GRK5: variants seen among roughly 807,000 people sequenced by gnomAD.
GRK5 encodes the protein g protein-coupled receptor kinase GRK5.
Under a neutral mutation model 78.4 loss-of-function variants are expected in GRK5, and 40 were observed. The observed-to-expected ratio is 0.51, with a 90% confidence interval of 0.40 to 0.66. The LOEUF (loss-of-function observed/expected upper bound fraction) is 0.66, where lower values mean the gene tolerates loss of function less well. GRK5 is among the 30% of genes least tolerant of loss of function. GRK5 has a pLI of 0.00. For missense variants in GRK5, 598 were observed against 759.9 expected, an observed-to-expected ratio of 0.79 and a Z score of 2.50; for synonymous variants, 289 against 296.8, an observed-to-expected ratio of 0.97 and a Z score of 0.27.
At chr10:119,279,785 C>T (rs1264886123) in intron 1 of GRK5, among the ~76,000 whole-genome samples, 2 of 152,226 alleles carry the variant, frequency 1.3e-5, no homozygotes, top group African/African-American at 4.8e-5. Context: ...TGCTCTCCCT[C>T]GAGGAGCCTA....
At chr10:119,422,372 G>T (rs1852587357) in intron 4 of GRK5, among the ~76,000 whole-genome samples, 1 of 152,210 alleles carries the variant, frequency 6.6e-6, no homozygotes, top group Non-Finnish European at 1.5e-5. Flanking sequence ...TTACGTGCTT[G>T]CTACTACTGC....
intron 9 of GRK5, among the ~76,000 whole-genome samples, chr10:119,438,024 G>A (rs1433357489): frequency 6.6e-6 from 1 of 152,226 alleles, no homozygotes; most frequent in Non-Finnish European, 1.5e-5. Context: ...CTTTAACCTG[G>A]AGGTTGCAGT....
intron 1 of GRK5, among the ~76,000 whole-genome samples, chr10:119,249,366 G>A (rs1219024268): frequency 6.6e-6 from 1 of 152,206 alleles, no homozygotes; most frequent in Non-Finnish European, 1.5e-5. Context: ...AATATCATAT[G>A]TAGAATACCT....
chr10:119,374,527 G>A (rs1329488840), intron 2 of GRK5, among the ~76,000 whole-genome samples: 2 of 152,226 alleles, frequency 1.3e-5, no homozygotes, highest in African/African-American at 4.8e-5. Flanking sequence ...AACTTGGCAA[G>A]TGTGAGCCCT....
intron 1 of GRK5, among the ~76,000 whole-genome samples, chr10:119,316,836 G>A (rs1357497387): frequency 6.6e-6 from 1 of 152,218 alleles, no homozygotes; most frequent in African/African-American, 2.4e-5. Flanking sequence ...CTGGGCACAT[G>A]GTCGAACCCA....
In GRK5 at chr10:119,395,308, T is replaced by C. The variant is rs556929174; in HGVS notation, c.262-1387T>C. Among the ~76,000 whole-genome samples the C allele has an allele frequency of 3.3e-5, 5 of 152,336 alleles. No homozygotes were observed. In the South Asian group the frequency reaches 8.3e-4, roughly 25 times the overall value. ...AGACAAGGACACTCGCTCACTGTGG[T>C]TGGAAACGAGCCTGGCTGCCTCTGT... is the stretch of plus-strand genomic sequence containing the variant. On this transcript the variant is annotated intron_variant, in intron 3 of 15. Transcript: ENST00000392870.
intron 1 of GRK5, among the ~76,000 whole-genome samples, chr10:119,310,868 T>G (rs1850347032): frequency 6.6e-6 from 1 of 152,154 alleles, no homozygotes; most frequent in African/African-American, 2.4e-5. Context: ...GTTGGGGAAG[T>G]GGCCTGTGGT....
intron 1 of GRK5, among the ~76,000 whole-genome samples, chr10:119,301,369 T>C (rs910685374): frequency 6.6e-6 from 1 of 152,024 alleles, no homozygotes; most frequent in African/African-American, 2.4e-5. Flanking sequence ...CCATTGTCTT[T>C]GAGATTTGGG....
At chr10:119,284,211 C>G (rs184547586) in intron 1 of GRK5, among the ~76,000 whole-genome samples, 2 of 151,954 alleles carry the variant, frequency 1.3e-5, no homozygotes, top group Non-Finnish European at 2.9e-5. Context: ...ATTCTAGTAG[C>G]CACCTTTAGA....
chr10:119,451,826 G>T (rs547118902), intron 13 of GRK5, among the ~76,000 whole-genome samples: 1 of 152,220 alleles, frequency 6.6e-6, no homozygotes. Flanking sequence ...ATGCTGAGCC[G>T]GTGCACTGAT....
At position 119,421,728 on chromosome 10, in the gene GRK5, C is replaced by T. The variant is rs190890478; in HGVS notation, c.340-1438C>T. Among the ~76,000 whole-genome samples, 33 of 152,344 alleles carry T rather than the reference C, an allele frequency of 2.2e-4. No homozygotes were observed. In the East Asian group the frequency reaches 5.4e-3, roughly 25 times the overall value. ...TTACTGTCACAGCAGCTCGCATCCA[C>T]ACTGCAGGCTGCCCCCCAAGAAGCT... is the stretch of plus-strand genomic sequence containing the variant. On this transcript the variant is annotated intron_variant, in intron 4 of 15. Coordinates refer to ENST00000392870, the MANE Select transcript of GRK5 (RefSeq NM_005308.3).
intron 9 of GRK5, among the ~76,000 whole-genome samples, chr10:119,438,758 G>A (rs1236261828): frequency 2.6e-5 from 4 of 152,186 alleles, no homozygotes; most frequent in Non-Finnish European, 4.4e-5. Flanking sequence ...GGTGGCAGCC[G>A]GCTTGTTGAG....
intron 1 of GRK5, among the ~76,000 whole-genome samples, chr10:119,298,936 A>T (rs1289286955): frequency 6.6e-6 from 1 of 151,624 alleles, no homozygotes; most frequent in African/African-American, 2.4e-5. Flanking sequence ...GACTTTCCCC[A>T]TGCTCCCTGC....
chr10:119,292,358 C>T (rs908718102), intron 1 of GRK5, among the ~76,000 whole-genome samples: 2 of 151,950 alleles, frequency 1.3e-5, no homozygotes, highest in Admixed American at 1.3e-4. Flanking sequence ...CTTCCTCTTC[C>T]TTCACAAACA....
At chr10:119,256,025 T>C (rs1031413621) in intron 1 of GRK5, among the ~76,000 whole-genome samples, 1 of 152,158 alleles carries the variant, frequency 6.6e-6, no homozygotes, top group Admixed American at 6.5e-5. Context: ...GTGAAGTTAT[T>C]GCAACCATTG....
rs545936709 is a variant in GRK5 at position 119,430,125 on chromosome 10, G to A, written c.534-250G>A. 6.7e-4 allele frequency among the ~76,000 whole-genome samples: 102 copies of A among 152,282 alleles called. No individual in the cohort carries two copies. The highest frequency in any genetic ancestry group is 1.2e-3 in the African/African-American group (48 of 41,562). ...GGTTTTTCAAGCTTTCTGAGCAAGC[G>A]AGGCTTGTGCATCCCCCAGCTTGCA... On this transcript the variant is annotated intron_variant, in intron 6 of 15. Transcript: ENST00000392870. This position sits in a 1 kb window ranked among gnomAD's most constrained non-coding sequence, Gnocchi z 4.5.
At chr10:119,396,573 G>C (rs1213922680) in intron 3 of GRK5, 122 bp from the exon 4 acceptor site, 1 of 757,520 alleles carries the variant, frequency 1.3e-6, no homozygotes, top group Non-Finnish European at 2.2e-6. Context: ...TTCCTGACCT[G>C]CAGGAGAAGG....
rs1265166462 is a variant in GRK5 at position 119,412,102 on chromosome 10, C to T, written c.340-11064C>T. 7.2e-5 allele frequency among the ~76,000 whole-genome samples: 11 copies of T among 151,992 alleles called. No individual in the cohort carries two copies. Among genetic ancestry groups the T allele is most frequent in the East Asian group, 1.9e-4 (1 of 5,170 alleles). On this transcript the variant is annotated intron_variant, in intron 4 of 15. Coordinates refer to ENST00000392870, the MANE Select transcript of GRK5 (RefSeq NM_005308.3). This position sits in a 1 kb window ranked among gnomAD's most constrained non-coding sequence, Gnocchi z 4.3. The stretch of plus-strand genomic sequence containing the variant: ...CTGACCTCAGGTGATCCACCTCCCT[C>T]GGCCTCCCAAAGTGCTGGGATTCCA...
chr10:119,375,439 C>T (rs1851608867), intron 2 of GRK5, among the ~76,000 whole-genome samples: 1 of 152,204 alleles, frequency 6.6e-6, no homozygotes. Context: ...TGAAACTGAC[C>T]CAGCATCATG....
Sources: allele counts gnomAD v4.1 joint callset (sites outside exome capture counted in the v4.1 genomes callset), GRCh38; gene constraint gnomAD v4.1.1; non-coding constraint Gnocchi (gnomAD v3.1); transcripts MANE v1.5; gene names NCBI Gene and HGNC (gene_info 2026-07-23, HGNC 2026-07-21).